The following DLC1 variants were observed in gnomAD, a reference collection of about 807,000 sequenced individuals.
DLC1 encodes the protein rho GTPase-activating protein 7.
Under a neutral mutation model 140.3 loss-of-function variants are expected in DLC1, and 54 were observed. That is an observed-to-expected ratio of 0.38 (90% CI 0.31 to 0.48). The LOEUF is 0.48. Among genes scored for constraint, DLC1 ranks in the 20% least tolerant of loss-of-function variants. DLC1 has a pLI of 0.96. For missense variants in DLC1, 2,536 were observed against 1,907.0 expected, an observed-to-expected ratio of 1.33 and a Z score of -6.14; for synonymous variants, 986 against 728.1, an observed-to-expected ratio of 1.35 and a Z score of -5.70.
At chr8:13,153,088 T>C (rs975381743) in intron 5 of DLC1, among the ~76,000 whole-genome samples, 1 of 152,204 alleles carries the variant, frequency 6.6e-6, no homozygotes, top group Non-Finnish European at 1.5e-5. Flanking sequence ...AATTGGTGGG[T>C]TGTTGGTCTC....
At chr8:13,574,311 GTTATC>G (rs974639234) in intron 1 of DLC1, among the ~76,000 whole-genome samples, 3 of 152,140 alleles carry the variant, frequency 2.0e-5, no homozygotes, top group African/African-American at 7.2e-5. Context: ...CAAGTAGAAA[GTTATC>G]TATTATTAAT....
chr8:13,551,283 C>T (rs970117840), intron 1 of DLC1, among the ~76,000 whole-genome samples: 2 of 151,974 alleles, frequency 1.3e-5, no homozygotes, highest in African/African-American at 4.8e-5. Flanking sequence ...TGTTCTAAAT[C>T]ACAGTCTTCA....
At chr8:13,453,406 A>ATATATATATATATATATATATATATGTG (rs1554523014) in intron 2 of DLC1, among the ~76,000 whole-genome samples, 1,638 of 44,402 alleles carry the variant, frequency 0.037, 73 homozygotes, top group East Asian at 0.053. Flanking sequence ...ATATATGTGT[A>ATATATATATATATATATATATATATGTG]TATATATATA....
At chr8:13,414,707 G>C (rs1205599741) in intron 2 of DLC1, among the ~76,000 whole-genome samples, 1 of 152,186 alleles carries the variant, frequency 6.6e-6, no homozygotes, top group East Asian at 1.9e-4. Context: ...AGATTTTGCA[G>C]ATGTGAGTTA....
At chr8:13,128,808 C>T (rs1156851628) in intron 5 of DLC1, among the ~76,000 whole-genome samples, 9 of 147,678 alleles carry the variant, frequency 6.1e-5, no homozygotes, top group Non-Finnish European at 1.0e-4. Flanking sequence ...GCACTCCAGC[C>T]TGGGCGACAG....
At chr8:13,345,547 C>CTTATTTTTTT (rs1834290684) in intron 4 of DLC1, among the ~76,000 whole-genome samples, 1 of 67,520 alleles carries the variant, frequency 1.5e-5, no homozygotes. Context: ...TTCACTCACA[C>CTTATTTTTTT]TTTTTTTTTT....
intron 5 of DLC1, among the ~76,000 whole-genome samples, chr8:13,144,482 C>T (rs1240588951): frequency 2.0e-5 from 3 of 152,146 alleles, no homozygotes; most frequent in East Asian, 3.9e-4. Flanking sequence ...AATTATCTCT[C>T]GGGCCCAGCA....
chr8:13,126,702 A>G (rs1821605366), intron 5 of DLC1, among the ~76,000 whole-genome samples: 1 of 152,302 alleles, frequency 6.6e-6, no homozygotes, highest in East Asian at 1.9e-4. Context: ...CCCTGTCTCT[A>G]TTATTAAAAG....
chr8:13,266,214 A>G (rs1186695324), intron 5 of DLC1, among the ~76,000 whole-genome samples: 1 of 152,232 alleles, frequency 6.6e-6, no homozygotes, highest in Non-Finnish European at 1.5e-5. Flanking sequence ...TGATATTCTA[A>G]TTATAAAATT....
chr8:13,550,065 T>G (rs1164769805), intron 1 of DLC1, among the ~76,000 whole-genome samples: 1 of 152,130 alleles, frequency 6.6e-6, no homozygotes, highest in Non-Finnish European at 1.5e-5. Context: ...CAACTATCCT[T>G]ACAATAGGCT....
chr8:13,385,592 C>T (rs746552691), intron 4 of DLC1, among the ~76,000 whole-genome samples: 2 of 152,110 alleles, frequency 1.3e-5, no homozygotes, highest in Non-Finnish European at 2.9e-5. Context: ...GTAAACAATT[C>T]CTTTACTTTC....
intron 5 of DLC1, among the ~76,000 whole-genome samples, chr8:13,184,845 G>C (rs192003480): frequency 3.9e-5 from 6 of 152,228 alleles, no homozygotes; most frequent in Non-Finnish European, 5.9e-5. Flanking sequence ...TCAAGTCCTG[G>C]ATATCCTTAT....
intron 1 of DLC1, chr8:13,567,444 T>C (rs1804486133): frequency 6.4e-7 from 1 of 1,552,028 alleles, no homozygotes; most frequent in Non-Finnish European, 8.7e-7. Context: ...AAAAGCTGCA[T>C]CTTGGATTGG....
intron 4 of DLC1, among the ~76,000 whole-genome samples, chr8:13,367,313 G>A (rs192072896): frequency 6.6e-6 from 1 of 152,150 alleles, no homozygotes; most frequent in Admixed American, 6.5e-5. Context: ...ATCATGAACT[G>A]TGAGGAAACC....
chr8:13,297,264 G>A (rs1831992485), intron 5 of DLC1, among the ~76,000 whole-genome samples: 1 of 5,860 alleles, frequency 1.7e-4, no homozygotes, highest in South Asian at 4.9e-3. Flanking sequence ...AAGCAGGCAA[G>A]CAGAGGCCTT....
At chr8:13,158,453 G>A (rs577491003) in intron 5 of DLC1, among the ~76,000 whole-genome samples, 8 of 152,278 alleles carry the variant, frequency 5.3e-5, no homozygotes, top group East Asian at 1.9e-4. Flanking sequence ...ACTTTGTGAC[G>A]CCTATGAAAA....
At chr8:13,466,765 T>A (rs1249408123) in intron 2 of DLC1, among the ~76,000 whole-genome samples, 1 of 152,194 alleles carries the variant, frequency 6.6e-6, no homozygotes, top group Non-Finnish European at 1.5e-5. Flanking sequence ...CAAAGTTCTA[T>A]GTACATTAGA....
At chr8:13,346,879 C>G (rs934943502) in intron 4 of DLC1, among the ~76,000 whole-genome samples, 2 of 152,182 alleles carry the variant, frequency 1.3e-5, no homozygotes, top group Non-Finnish European at 2.9e-5. Context: ...CCCATTTATC[C>G]ATGGTTTCAC....
intron 5 of DLC1, among the ~76,000 whole-genome samples, chr8:13,240,708 C>T (rs1361100156): frequency 6.6e-6 from 1 of 152,180 alleles, no homozygotes; most frequent in Non-Finnish European, 1.5e-5. Context: ...GCTGGGATTA[C>T]AGGTGTGAGC....
Sources: gnomAD v4.1 joint callset for allele counts (sites outside exome capture counted in the v4.1 genomes callset) on GRCh38, gnomAD v4.1.1 for gene constraint, MANE v1.5 for transcripts, NCBI Gene and HGNC (gene_info 2026-07-23, HGNC 2026-07-21) for gene names.